Variants in UNC5C observed in about 807,000 individuals in gnomAD.
UNC5C encodes unc-5 netrin receptor C.
UNC5C carries 47 observed loss-of-function variants against 99.8 expected under a neutral mutation model. The observed-to-expected ratio is 0.47, with a 90% CI of 0.37 to 0.60. UNC5C has a LOEUF of 0.60. UNC5C is among the 20% of genes least tolerant of loss of function. UNC5C has a pLI of 0.00. For synonymous variants in UNC5C, 487 were observed against 452.2 expected, an observed-to-expected ratio of 1.08 and a Z score of -0.98; for missense variants, 1,062 against 1,165.9, an observed-to-expected ratio of 0.91 and a Z score of 1.30.
At chr4:95,496,323 A>C (rs1285159166) in intron 1 of UNC5C, among the ~76,000 whole-genome samples, 2 of 151,822 alleles carry the variant, frequency 1.3e-5, no homozygotes, top group African/African-American at 4.8e-5. Flanking sequence ...ATTGGTCAAG[A>C]AGACTATATT....
chr4:95,338,798 C>T lies in UNC5C; in HGVS notation c.125-3167G>A, dbSNP rs564454806. ...CAAGGAATTTTAGAGTTTATAGTGC[C>T]TCAGATTCATTTACAATTATAAGAT... On this transcript the variant is annotated intron_variant, in intron 1 of 15. Transcript: ENST00000453304. Among the ~76,000 whole-genome samples, 45 of 152,100 alleles carry T rather than the reference C, an allele frequency of 3.0e-4. No individual in the cohort carries two copies. In the South Asian group the frequency reaches 9.1e-3, roughly 31 times the overall value.
At position 95,214,170 on chromosome 4, in the gene UNC5C, A is replaced by G. The variant is rs112812677; in HGVS notation, c.1733+1954T>C. Among the ~76,000 whole-genome samples the G allele has an allele frequency of 1.2e-3, 188 of 152,368 alleles. 1 individual carries two copies. Among genetic ancestry groups the G allele is most frequent in the Non-Finnish European group, 2.1e-3 (142 of 68,030 alleles). ...AAGCACATTCTTGCCATTGTGTTTTACAATAAAAATGCATCTGGTTCATAA... is the reference window on the plus strand; with the variant it reads ...AAGCACATTCTTGCCATTGTGTTTTGCAATAAAAATGCATCTGGTTCATAA... On this transcript the variant is annotated intron_variant, in intron 10 of 15. Transcript: ENST00000453304.
At chr4:95,286,703 G>T (rs997534826) in intron 3 of UNC5C, among the ~76,000 whole-genome samples, 2 of 152,104 alleles carry the variant, frequency 1.3e-5, no homozygotes, top group Non-Finnish European at 2.9e-5. Context: ...GTTGTCTTTT[G>T]TTTCTAACTT....
chr4:95,501,014 T>C lies in UNC5C; in HGVS notation c.124+47720A>G, dbSNP rs546158134. On this transcript the variant is annotated intron_variant, in intron 1 of 15. Transcript: ENST00000453304. ...AAACTCTTAGAATAATACTACTCCC[T>C]GTGTGTTAATAAATATTTGTAGAAT... Among the ~76,000 whole-genome samples, 63 of 152,258 alleles carry C rather than the reference T, an allele frequency of 4.1e-4. 1 individual carries two copies. The highest frequency in any genetic ancestry group is 4.1e-3 in the Admixed American group (62 of 15,278).
chr4:95,193,626 G>T (rs764193652), intron 12 of UNC5C, among the ~76,000 whole-genome samples: 2 of 152,128 alleles, frequency 1.3e-5, no homozygotes, highest in Admixed American at 6.5e-5. Flanking sequence ...TTGTCATTTG[G>T]GGCTGAGAAA....
At chr4:95,417,430 A>G (rs17439192) in intron 1 of UNC5C, among the ~76,000 whole-genome samples, 2,596 of 152,266 alleles carry the variant, frequency 0.017, 31 homozygotes, top group South Asian at 0.056. Context: ...CTTGTTGCAT[A>G]GTGATTTTCA....
chr4:95,236,467 A>T (rs964680372), intron 7 of UNC5C, among the ~76,000 whole-genome samples: 2 of 151,866 alleles, frequency 1.3e-5, no homozygotes, highest in African/African-American at 4.8e-5. Context: ...TAGCATTAGG[A>T]GATATACCTA....
chr4:95,266,503 C>T (rs1318564628), intron 4 of UNC5C, among the ~76,000 whole-genome samples: 1 of 152,216 alleles, frequency 6.6e-6, no homozygotes, highest in African/African-American at 2.4e-5. Flanking sequence ...GTGTATAAAA[C>T]TGCCATCCCT....
intron 1 of UNC5C, among the ~76,000 whole-genome samples, chr4:95,355,054 T>C (rs1044104679): frequency 1.3e-5 from 2 of 152,190 alleles, no homozygotes; most frequent in Non-Finnish European, 2.9e-5. Flanking sequence ...AATATAGATT[T>C]TGTTCTCATA....
Position 95,182,984 on chromosome 4 carries a change from C to G in UNC5C, c.2364G>C (p.Leu788=). The G allele has an allele frequency of 6.2e-7, 1 of 1,613,758 alleles. No homozygotes were observed. Among genetic ancestry groups the G allele is most frequent in the South Asian group, 1.1e-5 (1 of 91,038 alleles). The change falls in exon 14 of 16, where the codon CTG becomes CTC. Residue 788 remains leucine (L), a synonymous_variant. Transcript: ENST00000453304. ...HCTFTLERFS[L]NTVELVCKLC... The stretch of plus-strand genomic sequence containing the variant: ...GTTTGCAAACCAGCTCCACTGTGTT[C>G]AGGCTAAATCTTTCCAGAGTGAAGG...
chr4:95,307,579 C>T (rs1345631606), intron 2 of UNC5C, among the ~76,000 whole-genome samples: 2 of 152,070 alleles, frequency 1.3e-5, no homozygotes, highest in Non-Finnish European at 2.9e-5. Context: ...CAAACTCTTC[C>T]AAAAAATTAA....
In UNC5C at chr4:95,190,745, C is replaced by T. The variant is rs139373694; in HGVS notation, c.2137-5549G>A. Among the ~76,000 whole-genome samples, 7 of 152,272 alleles carry T rather than the reference C, an allele frequency of 4.6e-5. No homozygotes were observed. In the East Asian group the frequency reaches 1.4e-3, roughly 30 times the overall value. On this transcript the variant is annotated intron_variant, in intron 12 of 15. Coordinates refer to ENST00000453304, the MANE Select transcript of UNC5C (RefSeq NM_003728.4). ...CACGCGAACCATCAGTCACCAGAAG[C>T]AGGCCACCTGCCTCAGAGCCCAGCG...
chr4:95,410,266 C>T (rs1159248683), intron 1 of UNC5C, among the ~76,000 whole-genome samples: 12 of 152,238 alleles, frequency 7.9e-5, no homozygotes, highest in Middle Eastern at 3.4e-3. Flanking sequence ...CAGCCCTAAT[C>T]CACTGGGTTG....
At chr4:95,232,603 G>A (rs924748237) in intron 7 of UNC5C, among the ~76,000 whole-genome samples, 10 of 151,980 alleles carry the variant, frequency 6.6e-5, no homozygotes, top group Non-Finnish European at 1.5e-4. Context: ...TCCCCTCAGA[G>A]GTCCCTTTCC....
chr4:95,420,808 A>G (rs1746297574), intron 1 of UNC5C, among the ~76,000 whole-genome samples: 1 of 152,214 alleles, frequency 6.6e-6, no homozygotes, highest in South Asian at 2.1e-4. Flanking sequence ...AATCCAGGTT[A>G]CATTTTAAAA....
At chr4:95,450,360 A>C (rs1290786320) in intron 1 of UNC5C, among the ~76,000 whole-genome samples, 2 of 152,268 alleles carry the variant, frequency 1.3e-5, no homozygotes, top group Non-Finnish European at 2.9e-5. Flanking sequence ...GCTGGGACTA[A>C]AGGTGCATGC....
intron 2 of UNC5C, among the ~76,000 whole-genome samples, chr4:95,332,557 T>C (rs1221390807): frequency 6.6e-6 from 1 of 151,912 alleles, no homozygotes; most frequent in East Asian, 1.9e-4. Context: ...TTACACCTTA[T>C]ACAAAAATTC....
At chr4:95,380,792 A>G (rs1034421589) in intron 1 of UNC5C, among the ~76,000 whole-genome samples, 1 of 152,198 alleles carries the variant, frequency 6.6e-6, no homozygotes, top group Non-Finnish European at 1.5e-5. Flanking sequence ...TCTAATTTCT[A>G]TGATTAAGCA....
At chr4:95,480,620 T>C (rs532397143) in intron 1 of UNC5C, among the ~76,000 whole-genome samples, 111 of 151,826 alleles carry the variant, frequency 7.3e-4, no homozygotes, top group African/African-American at 2.6e-3. Context: ...AAGTTAGCCC[T>C]TGATAAGAAT....
Sources: gnomAD v4.1 joint callset for allele counts (sites outside exome capture counted in the v4.1 genomes callset) on GRCh38, gnomAD v4.1.1 for gene constraint, MANE v1.5 for transcripts, NCBI Gene and HGNC (gene_info 2026-07-23, HGNC 2026-07-21) for gene names.